The following MUC17 variants were observed in gnomAD, a reference collection of about 807,000 sequenced individuals.
MUC17 encodes the protein mucin-17.
MUC17 carries 190 observed loss-of-function variants against 170.3 expected under a neutral mutation model. The ratio of observed to expected loss-of-function variants is 1.12; its 90% CI spans 0.99 to 1.26. MUC17 has a LOEUF of 1.26. Among genes scored for constraint, MUC17 ranks in the 50% most tolerant of loss-of-function variants. MUC17 has a pLI of 0.00. For missense variants in MUC17, 6,415 were observed against 5,530.0 expected (o/e 1.16, Z -5.08); for synonymous variants, 2,325 against 2,002.5 (o/e 1.16, Z -4.30).
At position 101,035,227 on chromosome 7, in the gene MUC17, T is replaced by C. The variant is rs141712687; in HGVS notation, c.3811T>C (p.Ser1271Pro). 1 of 1,609,412 alleles carries C rather than the reference T, an allele frequency of 6.2e-7. No homozygotes were observed. The highest frequency in any genetic ancestry group is 8.5e-7 in the Non-Finnish European group (1 of 1,177,044). ...CGCTGAAGGTACCAGCTTGCCAACCTCAACTACTAGTGAAGGAAGTACTCT... is the reference window on the plus strand; with the variant it reads ...CGCTGAAGGTACCAGCTTGCCAACCCCAACTACTAGTGAAGGAAGTACTCT... Reference protein sequence around the residue: ...TTAEGTSLPTSTTSEGSTLLT... With the variant: ...TTAEGTSLPTPTTSEGSTLLT... Residue 1271 changes from serine (S) to proline (P), a missense_variant, in exon 3 of 13, where the codon TCA (serine) becomes CCA (proline). Transcript: ENST00000306151.
At chr7:101,047,871 T>C in intron 3 of MUC17, 113 bp from the exon 4 acceptor site, 1 of 1,261,430 alleles carries the variant, frequency 7.9e-7, no homozygotes, top group Non-Finnish European at 1.0e-6. Context: ...GCAAACGCAT[T>C]GTAAGCTGTA....
intron 1 of MUC17, among the ~76,000 whole-genome samples, chr7:101,027,827 A>G (rs1369491627): frequency 1.3e-5 from 2 of 151,918 alleles, no homozygotes; most frequent in Non-Finnish European, 2.9e-5. Context: ...ACTGGAGTGC[A>G]GTGATGCAAT....
chr7:101,041,630 C>T lies in MUC17; in HGVS notation c.10214C>T (p.Pro3405Leu), dbSNP rs1794707463. The part of the protein sequence containing the change: ...SEGTTPLASM[P>L]VSTTPVVSSE... ...GGAACCACTCCATTAGCAAGTATGCCTGTCAGCACCACGCCGGTGGTCAGT... is the reference window on the plus strand; with the variant it reads ...GGAACCACTCCATTAGCAAGTATGCTTGTCAGCACCACGCCGGTGGTCAGT... Residue 3405 changes from proline (P) to leucine (L), a missense_variant, in exon 3 of 13, where the codon CCT becomes CTT. Physicochemically the swap from Pro to Leu is moderately conservative, Grantham distance 98. Coordinates refer to ENST00000306151, the MANE Select transcript of MUC17 (RefSeq NM_001040105.2). The T allele has an allele frequency of 1.2e-6, 2 of 1,614,024 alleles. No individual in the cohort carries two copies. The highest frequency in any genetic ancestry group is 2.2e-5 in the East Asian group (1 of 44,874).
chr7:101,032,462 C>T lies in MUC17; in HGVS notation c.1046C>T (p.Ser349Phe), dbSNP rs538648034. The change falls in exon 3 of 13, where the codon TCT becomes TTT. Residue 349 changes from serine to phenylalanine, a missense_variant. Transcript: ENST00000306151. Reference sequence around the variant, plus strand: ...GCCAGCACCATGCCGGTTGCCACTTCTGAAATGAGCACACTTTCAATAACT... The same window carrying T: ...GCCAGCACCATGCCGGTTGCCACTTTTGAAATGAGCACACTTTCAATAACT... ...TPASTMPVAT[S>F]EMSTLSITPV... The T allele has an allele frequency of 1.2e-6, 2 of 1,614,002 alleles. No homozygotes were observed. The highest frequency in any genetic ancestry group is 1.7e-5 in the Admixed American group (1 of 60,016).
chr7:101,052,892 C>T, intron 9 of MUC17, 94 bp from the exon 10 acceptor site: 3 of 1,452,046 alleles, frequency 2.1e-6, no homozygotes, highest in Non-Finnish European at 2.8e-6. Flanking sequence ...TTCTTGCCTC[C>T]TCTTCATTAA....
In MUC17 at chr7:101,031,117, C is replaced by A. The variant is rs759706435; in HGVS notation, c.83-3C>A. On this transcript the variant is annotated splice_region_variant and splice_polypyrimidine_tract_variant and intron_variant, in intron 1 of 12. Coordinates refer to ENST00000306151, the MANE Select transcript of MUC17 (RefSeq NM_001040105.2). Reference sequence around the variant, plus strand: ...GATACTAACTCCCCTTTGTCTCTTTCAGACCTCAGTGTGAACAGGGCTGTG... The same window carrying A: ...GATACTAACTCCCCTTTGTCTCTTTAAGACCTCAGTGTGAACAGGGCTGTG... 2 of 1,608,226 alleles carry A rather than the reference C, an allele frequency of 1.2e-6. No homozygotes were observed. Among genetic ancestry groups the A allele is most frequent in the Non-Finnish European group, 1.7e-6 (2 of 1,177,132 alleles).
In MUC17 at chr7:101,036,540, C is replaced by G; in HGVS notation, c.5124C>G (p.Ser1708Arg). 4 of 1,611,240 alleles carry G rather than the reference C, an allele frequency of 2.5e-6. No individual in the cohort carries two copies. Among genetic ancestry groups the G allele is most frequent in the Non-Finnish European group, 3.4e-6 (4 of 1,178,384 alleles). ...RTTPVASSAI[S>R]TLSTTPVDNS... ...CACCGGTGGCCAGCTCTGCAATCAGCACCCTTTCAACAACTCCCGTTGACA... is the reference window on the plus strand; with the variant it reads ...CACCGGTGGCCAGCTCTGCAATCAGGACCCTTTCAACAACTCCCGTTGACA... The change falls in exon 3 of 13, where the codon AGC becomes AGG. Residue 1708 changes from serine (S) to arginine (R), a missense_variant. By Grantham distance (110) the Ser-to-Arg change is moderately radical (BLOSUM62 -1). Coordinates refer to ENST00000306151, the MANE Select transcript of MUC17 (RefSeq NM_001040105.2).
rs72494467 is a variant in MUC17, at chr7:101,021,383, T to C, written c.82+1166T>C. On this transcript the variant is annotated intron_variant, in intron 1 of 12. Coordinates refer to ENST00000306151, the MANE Select transcript of MUC17 (RefSeq NM_001040105.2). Reference sequence around the variant, plus strand: ...GTATATTTTTAGTAAGGACAGGGTTTCACCATGTTAACCGGGCTGGTCTCA... The same window carrying C: ...GTATATTTTTAGTAAGGACAGGGTTCCACCATGTTAACCGGGCTGGTCTCA... Among the ~76,000 whole-genome samples, 387 of 152,180 alleles carry C rather than the reference T, an allele frequency of 2.5e-3. 13 individuals carry two copies. The East Asian group carries it at 0.069, about 27-fold the overall frequency.
Position 101,031,321 on chromosome 7 carries a change from T to C in MUC17, c.184+100T>C, listed in dbSNP as rs918535419. On this transcript the variant is annotated intron_variant, in intron 2 of 12. Coordinates refer to ENST00000306151, the MANE Select transcript of MUC17 (RefSeq NM_001040105.2). The stretch of plus-strand genomic sequence containing the variant: ...CTGGTGAAGCTGCCATATTTTACAG[T>C]GTGTGACGGCTTGAGATCTGGGGCC... 11 of 1,495,056 alleles carry C rather than the reference T, an allele frequency of 7.4e-6. No individual in the cohort carries two copies. In the South Asian group the frequency reaches 1.4e-4, roughly 19 times the overall value. The allele number at this position is 1,495,056 out of a possible 1,614,324, so 92.6% of individuals were successfully genotyped here.
chr7:101,058,312 C>G lies in MUC17; in HGVS notation c.*268C>G. ...CAAAGACGCTCCAGATTTGAGGGTA[C>G]TCTGACTGCAACATCTTTCACCCCA... On this transcript the variant is annotated 3_prime_UTR_variant, in exon 13 of 13. Transcript: ENST00000306151. 3.1e-6 allele frequency: 1 copy of G among 325,718 alleles called. No individual in the cohort carries two copies. Among genetic ancestry groups the G allele is most frequent in the Admixed American group, 4.6e-5 (1 of 21,954 alleles). 20.2% of individuals were successfully genotyped at this position (325,718 alleles called of 1,614,324 possible).
rs989111720 is a variant in MUC17, at chr7:101,041,048, G to A, written c.9632G>A (p.Ser3211Asn). ...ATSSTTAEGT[S>N]IPTSTPSEGM... ...TCATCTACAACTGCTGAAGGTACCA[G>A]CATTCCAACCTCAACTCCTAGTGAA... is the stretch of plus-strand genomic sequence containing the variant. The change falls in exon 3 of 13, where the codon AGC (serine) becomes AAC (asparagine). Residue 3211 changes from serine to asparagine, a missense_variant. Ser to Asn is a conservative substitution (Grantham distance 46, BLOSUM62 1). Transcript: ENST00000306151. 3 of 1,613,556 alleles carry A rather than the reference G, an allele frequency of 1.9e-6. No homozygotes were observed. Among genetic ancestry groups the A allele is most frequent in the South Asian group, 1.1e-5 (1 of 91,050 alleles).
At chr7:101,051,572 C>A (rs374976943) in intron 7 of MUC17, 41 bp from the exon 8 acceptor site, 3 of 1,600,864 alleles carry the variant, frequency 1.9e-6, no homozygotes, top group Non-Finnish European at 2.6e-6. Flanking sequence ...GCAGAACAAG[C>A]GTGTATGTGT....
chr7:101,024,286 GC>G lies in MUC17; in HGVS notation c.82+4073del, dbSNP rs1794143390. Among the ~76,000 whole-genome samples, 13 of 152,026 alleles carry G rather than the reference GC, an allele frequency of 8.6e-5. No homozygotes were observed. In the South Asian group the frequency reaches 2.7e-3, roughly 32 times the overall value. On this transcript the variant is annotated intron_variant, in intron 1 of 12. Coordinates refer to ENST00000306151, the MANE Select transcript of MUC17 (RefSeq NM_001040105.2). Reference sequence around the variant, plus strand: ...ATGGTGTGACAAGCCTGTAATCTCAGCCCCTCAGGAGGCTGAGACACGACAA... The same window carrying G: ...ATGGTGTGACAAGCCTGTAATCTCAGCCCTCAGGAGGCTGAGACACGACAA...
In MUC17 at chr7:101,034,906, A is replaced by T; in HGVS notation, c.3490A>T (p.Ser1164Cys). The change falls in exon 3 of 13, where the codon AGT (serine) becomes TGT (cysteine). Residue 1164 changes from serine (S) to cysteine (C), a missense_variant. Ser to Cys is a moderately radical substitution (Grantham distance 112). Coordinates refer to ENST00000306151, the MANE Select transcript of MUC17 (RefSeq NM_001040105.2). ...PPSEGTTPLA[S>C]MPVSTTLVVS... ...CAGTGAAGGAACCACTCCGTTAGCA[A>T]GTATGCCTGTCAGCACCACGCTGGT... The T allele has an allele frequency of 6.2e-7, 1 of 1,613,198 alleles. No homozygotes were observed. Among genetic ancestry groups the T allele is most frequent in the Non-Finnish European group, 8.5e-7 (1 of 1,179,882 alleles).
chr7:101,036,686 G>A lies in MUC17; in HGVS notation c.5270G>A (p.Ser1757Asn). The A allele has an allele frequency of 1.2e-6, 2 of 1,613,208 alleles. No homozygotes were observed. The highest frequency in any genetic ancestry group is 2.2e-5 in the South Asian group (2 of 91,024). The change falls in exon 3 of 13, where the codon AGC (serine) becomes AAC (asparagine). Residue 1757 changes from serine (S) to asparagine (N), a missense_variant. Coordinates refer to ENST00000306151, the MANE Select transcript of MUC17 (RefSeq NM_001040105.2). Reference sequence around the variant, plus strand: ...ACTCCATTAACAAGTATACCTGTCAGCACCACGCCGGTACTCAGTTCTGAG... The same window carrying A: ...ACTCCATTAACAAGTATACCTGTCAACACCACGCCGGTACTCAGTTCTGAG... Reference protein sequence around the residue: ...GTTPLTSIPVSTTPVLSSEAS... With the variant: ...GTTPLTSIPVNTTPVLSSEAS...
chr7:101,026,314 G>A (rs1262307758), intron 1 of MUC17, among the ~76,000 whole-genome samples: 2 of 152,222 alleles, frequency 1.3e-5, no homozygotes, highest in Non-Finnish European at 2.9e-5. Flanking sequence ...GTGGGCCTGG[G>A]CCTATGGCCT....
chr7:101,042,316 A>G lies in MUC17; in HGVS notation c.10900A>G (p.Ser3634Gly), dbSNP rs1794739471. ...GCCAATGTCAACTCCTAGTGAAGTA[A>G]GCACTCCATTAACCATTATGCCTGT... Reference protein sequence around the residue: ...TLPMSTPSEVSTPLTIMPVST... With the variant: ...TLPMSTPSEVGTPLTIMPVST... Residue 3634 changes from serine (S) to glycine (G), a missense_variant, in exon 3 of 13, where the codon AGC becomes GGC. Ser to Gly is a moderately conservative substitution (Grantham distance 56). Coordinates refer to ENST00000306151, the MANE Select transcript of MUC17 (RefSeq NM_001040105.2). The G allele has an allele frequency of 6.2e-7, 1 of 1,613,968 alleles. No individual in the cohort carries two copies. Among genetic ancestry groups the G allele is most frequent in the African/African-American group, 1.3e-5 (1 of 74,944 alleles).
chr7:101,024,173 G>T (rs1422424697), intron 1 of MUC17, among the ~76,000 whole-genome samples: 1 of 152,076 alleles, frequency 6.6e-6, no homozygotes, highest in Non-Finnish European at 1.5e-5. Flanking sequence ...GGCTGAGGCG[G>T]TGGATCACTT....
At chr7:101,025,027 A>C (rs1047050669) in intron 1 of MUC17, among the ~76,000 whole-genome samples, 2 of 151,982 alleles carry the variant, frequency 1.3e-5, no homozygotes, top group Non-Finnish European at 2.9e-5. Context: ...TCTCTAAAAA[A>C]AAGAAAAATT....
Sources: allele counts gnomAD v4.1 joint callset (sites outside exome capture counted in the v4.1 genomes callset), GRCh38; gene constraint gnomAD v4.1.1; transcripts MANE v1.5; gene names NCBI Gene and HGNC (gene_info 2026-07-23, HGNC 2026-07-21).